TTLL5: variants seen among roughly 807,000 people sequenced by gnomAD.
The protein encoded by TTLL5 is tubulin tyrosine ligase like 5, also known as tubulin polyglutamylase TTLL5.
Under a neutral mutation model 168.4 loss-of-function variants are expected in TTLL5, and 132 were observed. The observed-to-expected ratio is 0.78, with a 90% CI of 0.68 to 0.91. The LOEUF (loss-of-function observed/expected upper bound fraction) is 0.91. Among genes scored for constraint, TTLL5 ranks in the 40% least tolerant of loss-of-function variants. The pLI, the probability that TTLL5 is intolerant of heterozygous loss-of-function variation, is 0.00. For synonymous variants in TTLL5, 546 were observed against 558.6 expected (o/e 0.98, Z 0.32); for missense variants, 1,545 against 1,581.5 (o/e 0.98, Z 0.39).
intron 28 of TTLL5, among the ~76,000 whole-genome samples, chr14:75,830,609 G>A (rs1333890484): frequency 6.6e-6 from 1 of 151,862 alleles, no homozygotes; most frequent in African/African-American, 2.4e-5. Flanking sequence ...ATAATATTTT[G>A]GAACACAAAT....
chr14:75,678,556 A>G (rs1249428574), intron 3 of TTLL5, among the ~76,000 whole-genome samples: 2 of 152,208 alleles, frequency 1.3e-5, no homozygotes, highest in African/African-American at 4.8e-5. Flanking sequence ...AGTCTACTGT[A>G]CAGCCATTTC....
At chr14:75,936,919 T>C (rs745539781) in intron 31 of TTLL5, among the ~76,000 whole-genome samples, 1 of 152,214 alleles carries the variant, frequency 6.6e-6, no homozygotes, top group Non-Finnish European at 1.5e-5. Context: ...TTTCCCTGCT[T>C]TCCACCCTTA....
chr14:75,728,320 C>T (rs1888314370), intron 12 of TTLL5, among the ~76,000 whole-genome samples: 1 of 148,078 alleles, frequency 6.8e-6, no homozygotes, highest in South Asian at 2.1e-4. Context: ...TACACCATTG[C>T]ACTCTAGCCT....
At chr14:75,779,349 A>G (rs1891910521) in intron 23 of TTLL5, among the ~76,000 whole-genome samples, 1 of 152,186 alleles carries the variant, frequency 6.6e-6, no homozygotes, top group Non-Finnish European at 1.5e-5. Flanking sequence ...CATATTAGAC[A>G]GTGTAGATCT....
At chr14:75,732,000 CTTTTTTTT>C (rs762598685) in intron 12 of TTLL5, among the ~76,000 whole-genome samples, 1 of 129,576 alleles carries the variant, frequency 7.7e-6, no homozygotes, top group Non-Finnish European at 1.7e-5. Context: ...TTCCCCGCCT[CTTTTTTTT>C]TTTTTTTTTT....
intron 21 of TTLL5, among the ~76,000 whole-genome samples, chr14:75,772,261 A>G (rs904156081): frequency 6.6e-6 from 1 of 152,214 alleles, no homozygotes; most frequent in African/African-American, 2.4e-5. Context: ...AAGAGCAAAC[A>G]AAGACCTCGA....
intron 28 of TTLL5, among the ~76,000 whole-genome samples, chr14:75,828,523 CCGTAAG>C (rs1895365717): frequency 1.3e-5 from 2 of 152,136 alleles, no homozygotes; most frequent in Admixed American, 1.3e-4. Context: ...TACTGTTTAT[CCGTAAG>C]GCTTCCGGTC....
At chr14:75,843,694 A>G (rs1215953128) in intron 28 of TTLL5, among the ~76,000 whole-genome samples, 2 of 152,144 alleles carry the variant, frequency 1.3e-5, no homozygotes, top group African/African-American at 4.8e-5. Context: ...AAAGTGAGAT[A>G]AAGCACAGAA....
chr14:75,922,917 G>A (rs935923182), intron 31 of TTLL5, among the ~76,000 whole-genome samples: 2 of 152,090 alleles, frequency 1.3e-5, no homozygotes, highest in Non-Finnish European at 2.9e-5. Flanking sequence ...GCCTGTTATT[G>A]GTCTATTCAG....
rs1890041178 is a variant in TTLL5 at position 75,753,014 on chromosome 14, T to C, written c.1550+59T>C. The C allele has an allele frequency of 2.6e-6, 4 of 1,519,254 alleles. No individual in the cohort carries two copies. In the South Asian group the frequency reaches 3.4e-5, roughly 13 times the overall value. The allele number at this position is 1,519,254 out of a possible 1,614,324, so 94.1% of individuals were successfully genotyped here. ...GATCACAAGATTAACAGAAAGTACATGTCAAAGAAGGAAACAGACCTTATA... is the reference window on the plus strand; with the variant it reads ...GATCACAAGATTAACAGAAAGTACACGTCAAAGAAGGAAACAGACCTTATA... On this transcript the variant is annotated intron_variant, in intron 18 of 31. Coordinates refer to ENST00000298832, the MANE Select transcript of TTLL5 (RefSeq NM_015072.5).
At chr14:75,867,868 G>T (rs2030657698) in intron 29 of TTLL5, among the ~76,000 whole-genome samples, 3 of 152,074 alleles carry the variant, frequency 2.0e-5, no homozygotes, top group Non-Finnish European at 4.4e-5. Flanking sequence ...ACAGCCCAAT[G>T]CATGTCTTCT....
At chr14:75,916,248 G>A (rs1334554126) in intron 31 of TTLL5, among the ~76,000 whole-genome samples, 1 of 151,980 alleles carries the variant, frequency 6.6e-6, no homozygotes, top group Non-Finnish European at 1.5e-5. Context: ...AACAAGTACT[G>A]GGGAAGATGT....
chr14:75,833,155 A>G (rs1895675457), intron 28 of TTLL5, among the ~76,000 whole-genome samples: 2 of 151,860 alleles, frequency 1.3e-5, no homozygotes, highest in South Asian at 4.2e-4. Context: ...CCCTGTGCTT[A>G]TTTTTCTGCC....
intron 3 of TTLL5, among the ~76,000 whole-genome samples, chr14:75,676,199 C>T (rs1884140442): frequency 6.6e-6 from 1 of 152,174 alleles, no homozygotes; most frequent in Admixed American, 6.5e-5. Flanking sequence ...CTCATCTCTT[C>T]TGGAGACATC....
chr14:75,800,798 G>A (rs886597388), intron 27 of TTLL5, among the ~76,000 whole-genome samples: 1 of 152,146 alleles, frequency 6.6e-6, no homozygotes, highest in East Asian at 1.9e-4. Flanking sequence ...GCAAGTTTCT[G>A]TGAAGAGTCC....
Position 75,720,548 on chromosome 14 carries a change from C to T in TTLL5, c.935-48C>T, listed in dbSNP as rs368244926. ...TGTTATCTGGAATCCAGTTCATAAT[C>T]CATGTATTTTGATATTGAGTCTGAA... On this transcript the variant is annotated intron_variant, in intron 11 of 31. Coordinates refer to ENST00000298832, the MANE Select transcript of TTLL5 (RefSeq NM_015072.5). The T allele has an allele frequency of 7.8e-6, 10 of 1,284,968 alleles. No homozygotes were observed. In the African/African-American group the frequency reaches 1.5e-4, roughly 19 times the overall value. The allele number at this position is 1,284,968 out of a possible 1,614,324, so 79.6% of individuals were successfully genotyped here. A position where few individuals can be genotyped will look rare whatever the true frequency, so the allele number is the denominator to read the frequency against.
chr14:75,703,137 G>A (rs1302979394), intron 7 of TTLL5, among the ~76,000 whole-genome samples: 1 of 152,192 alleles, frequency 6.6e-6, no homozygotes, highest in Non-Finnish European at 1.5e-5. Context: ...AAGCAGGAGG[G>A]TGAGGAGAGG....
At chr14:75,930,058 T>A (rs2034224218) in intron 31 of TTLL5, among the ~76,000 whole-genome samples, 1 of 152,254 alleles carries the variant, frequency 6.6e-6, no homozygotes, top group South Asian at 2.1e-4. Flanking sequence ...TAACTAGAGT[T>A]GCGACAAAGT....
At chr14:75,899,636 T>C (rs1487023105) in intron 30 of TTLL5, among the ~76,000 whole-genome samples, 1 of 152,148 alleles carries the variant, frequency 6.6e-6, no homozygotes, top group Non-Finnish European at 1.5e-5. Context: ...AAATTCTGAA[T>C]CTGTGGTGGT....
Sources: allele counts gnomAD v4.1 joint callset (sites outside exome capture counted in the v4.1 genomes callset), GRCh38; gene constraint gnomAD v4.1.1; transcripts MANE v1.5; gene names NCBI Gene and HGNC (gene_info 2026-07-23, HGNC 2026-07-21).